The following IGF1R variants were observed in gnomAD, a reference collection of about 807,000 sequenced individuals.
IGF1R encodes the protein insulin-like growth factor 1 receptor.
In IGF1R, 44 loss-of-function variants were observed where a neutral mutation model predicts 144.6. The observed-to-expected ratio is 0.30, with a 90% confidence interval of 0.24 to 0.39. The LOEUF (loss-of-function observed/expected upper bound fraction) is 0.39, where lower values mean the gene tolerates loss of function less well. IGF1R is among the 10% of genes least tolerant of loss of function. The pLI is 1.00. For missense variants in IGF1R, 1,355 were observed against 1,833.7 expected (o/e 0.74, Z 4.77); for synonymous variants, 795 against 722.8 (o/e 1.10, Z -1.60).
intron 2 of IGF1R, among the ~76,000 whole-genome samples, chr15:98,724,287 T>G (rs2054310570): frequency 6.6e-6 from 1 of 152,150 alleles, no homozygotes; most frequent in Admixed American, 6.5e-5. Context: ...TTTTCTGATT[T>G]GTGTTAAAGT....
At chr15:98,744,933 T>A (rs1056124818) in intron 2 of IGF1R, among the ~76,000 whole-genome samples, 1 of 152,078 alleles carries the variant, frequency 6.6e-6, no homozygotes, top group Non-Finnish European at 1.5e-5. Flanking sequence ...GGAGGACTAG[T>A]GCTGGGCTCC....
intron 2 of IGF1R, among the ~76,000 whole-genome samples, chr15:98,771,005 A>G (rs72769833): frequency 0.056 from 8,491 of 152,264 alleles, 278 homozygotes; most frequent in Middle Eastern, 0.13. Flanking sequence ...TTGAACATTT[A>G]AAGGTGGAGA....
At chr15:98,821,206 G>A (rs763385292) in intron 2 of IGF1R, among the ~76,000 whole-genome samples, 2 of 152,044 alleles carry the variant, frequency 1.3e-5, no homozygotes, top group Non-Finnish European at 2.9e-5. Flanking sequence ...GCTACATTGC[G>A]CTAAATGGCC....
intron 2 of IGF1R, among the ~76,000 whole-genome samples, chr15:98,785,227 T>C (rs967248751): frequency 3.3e-5 from 5 of 152,246 alleles, no homozygotes; most frequent in African/African-American, 1.2e-4. Context: ...TCTACTTTTC[T>C]TGTATACAGA....
rs1166719168 is a variant in IGF1R, at chr15:98,935,907, A to G, written c.3297+481A>G. Among the ~76,000 whole-genome samples, 3 of 152,086 alleles carry G rather than the reference A, an allele frequency of 2.0e-5. No individual in the cohort carries two copies. The highest frequency in any genetic ancestry group is 4.4e-5 in the Non-Finnish European group (3 of 68,038). On this transcript the variant is annotated intron_variant, in intron 17 of 20. Transcript: ENST00000650285. This position sits in a 1 kb window ranked among gnomAD's most constrained non-coding sequence, Gnocchi z 4.2. Reference sequence around the variant, plus strand: ...CCCGTTGTGTTTAGCTTTTCATCTCAGTCCAAGTGTGTGGCTCAGGGCCGC... The same window carrying G: ...CCCGTTGTGTTTAGCTTTTCATCTCGGTCCAAGTGTGTGGCTCAGGGCCGC...
intron 2 of IGF1R, among the ~76,000 whole-genome samples, chr15:98,834,301 C>T (rs1180240482): frequency 2.0e-5 from 3 of 152,202 alleles, no homozygotes; most frequent in African/African-American, 4.8e-5. Flanking sequence ...GTGGAAACCT[C>T]AGAAGCTGTC....
At chr15:98,953,335 G>A (rs750763560) in intron 20 of IGF1R, among the ~76,000 whole-genome samples, 1 of 152,222 alleles carries the variant, frequency 6.6e-6, no homozygotes, top group Non-Finnish European at 1.5e-5. Flanking sequence ...CCATGACTCA[G>A]TGTGAATTAA....
chr15:98,799,784 T>A (rs1426179438), intron 2 of IGF1R, among the ~76,000 whole-genome samples: 1 of 152,058 alleles, frequency 6.6e-6, no homozygotes, highest in East Asian at 1.9e-4. Context: ...TCTAGAAATA[T>A]ATAGCAGGCT....
intron 1 of IGF1R, among the ~76,000 whole-genome samples, chr15:98,665,867 A>T (rs2052724242): frequency 6.6e-6 from 1 of 152,244 alleles, no homozygotes; most frequent in South Asian, 2.1e-4. Context: ...GGTCTTCCTG[A>T]GACCAGAATT....
chr15:98,916,472 G>A (rs368179466), intron 9 of IGF1R, 200 bp from the exon 10 acceptor site: 12 of 629,534 alleles, frequency 1.9e-5, no homozygotes, highest in East Asian at 1.4e-4. Context: ...ATGTTGCCCA[G>A]GCTGGTCTGA....
In IGF1R at chr15:98,935,734, C is replaced by T. The variant is rs1255197875; in HGVS notation, c.3297+308C>T. On this transcript the variant is annotated intron_variant, in intron 17 of 20. Transcript: ENST00000650285. The surrounding 1 kb of genome is among the most constrained non-coding windows in gnomAD (Gnocchi z 4.2). Reference sequence around the variant, plus strand: ...TCAGTGTCCACCTGCCAAGCCAGGCCAGCGCCACTCCCTCCCCGAAGCTTT... The same window carrying T: ...TCAGTGTCCACCTGCCAAGCCAGGCTAGCGCCACTCCCTCCCCGAAGCTTT... Among the ~76,000 whole-genome samples, 2 of 151,840 alleles carry T rather than the reference C, an allele frequency of 1.3e-5. No individual in the cohort carries two copies. Among genetic ancestry groups the T allele is most frequent in the Non-Finnish European group, 2.9e-5 (2 of 67,940 alleles).
intron 20 of IGF1R, 62 bp from the exon 21 acceptor site, chr15:98,956,999 G>A (rs969744040): frequency 6.9e-6 from 11 of 1,597,216 alleles, no homozygotes; most frequent in Admixed American, 1.7e-5. Flanking sequence ...GGCGGCCCAT[G>A]AAGCCTCCTG....
Position 98,913,293 on chromosome 15 carries a change from C to T in IGF1R, c.1828+11C>T, listed in dbSNP as rs748082314. On this transcript the variant is annotated intron_variant, in intron 8 of 20. Transcript: ENST00000650285. ...GCACCAATGCTTCAGGTATCCATGC[C>T]TAGACAAGCCCCCAGCATCCACACT... 3.1e-5 allele frequency: 49 copies of T among 1,597,674 alleles called. No homozygotes were observed. Among genetic ancestry groups the T allele is most frequent in the Non-Finnish European group, 4.1e-5 (48 of 1,165,278 alleles).
chr15:98,952,039 A>G (rs1009911579), intron 20 of IGF1R, among the ~76,000 whole-genome samples: 3 of 152,170 alleles, frequency 2.0e-5, no homozygotes, highest in African/African-American at 4.8e-5. Flanking sequence ...TTCTTAGCTC[A>G]TAGACCTTGG....
At chr15:98,736,616 TC>T (rs199933054) in intron 2 of IGF1R, among the ~76,000 whole-genome samples, 6,742 of 139,264 alleles carry the variant, frequency 0.048, 259 homozygotes, top group African/African-American at 0.068. Flanking sequence ...TTTTCTTTTT[TC>T]TTTTTTTTTT....
At chr15:98,889,901 A>G (rs573754708) in intron 2 of IGF1R, among the ~76,000 whole-genome samples, 1 of 152,374 alleles carries the variant, frequency 6.6e-6, no homozygotes, top group South Asian at 2.1e-4. Flanking sequence ...CAATTTGAGG[A>G]TAAAGTAGGA....
intron 2 of IGF1R, among the ~76,000 whole-genome samples, chr15:98,881,974 A>C (rs1209101936): frequency 6.6e-6 from 1 of 152,252 alleles, no homozygotes; most frequent in Non-Finnish European, 1.5e-5. Flanking sequence ...AGATATGAAT[A>C]GTTTTTGTGA....
chr15:98,756,865 C>A (rs1488095635), intron 2 of IGF1R, among the ~76,000 whole-genome samples: 2 of 152,038 alleles, frequency 1.3e-5, no homozygotes, highest in Non-Finnish European at 2.9e-5. Context: ...TTGATTCTGA[C>A]ATTACTTAGA....
At chr15:98,849,276 CA>C (rs1454352973) in intron 2 of IGF1R, among the ~76,000 whole-genome samples, 1 of 152,156 alleles carries the variant, frequency 6.6e-6, no homozygotes, top group Non-Finnish European at 1.5e-5. Flanking sequence ...GGTAGCTTCA[CA>C]AATCATTGGG....
Sources: gnomAD v4.1 joint callset for allele counts (sites outside exome capture counted in the v4.1 genomes callset) on GRCh38, gnomAD v4.1.1 for gene constraint, Gnocchi (gnomAD v3.1) non-coding constraint, MANE v1.5 for transcripts, NCBI Gene and HGNC (gene_info 2026-07-23, HGNC 2026-07-21) for gene names.